FARP1: variants seen among roughly 807,000 people sequenced by gnomAD.
FARP1 encodes FERM, ARH/RhoGEF and pleckstrin domain protein 1.
FARP1 carries 52 observed loss-of-function variants against 128.8 expected under a neutral mutation model. The observed-to-expected ratio is 0.40, with a 90% confidence interval of 0.32 to 0.51. The LOEUF is 0.51. Among genes scored for constraint, FARP1 ranks in the 20% least tolerant of loss-of-function variants. The probability of loss-of-function intolerance (pLI) is 0.45; values close to 1 mark genes in which losing one functional copy is unlikely to be tolerated. For missense variants in FARP1, 1,333 were observed against 1,367.9 expected (o/e 0.97, Z 0.40); for synonymous variants, 580 against 551.8 (o/e 1.05, Z -0.72).
At chr13:98,332,773 C>T (rs933228288) in intron 2 of FARP1, 8 of 152,104 alleles carry the variant, frequency 5.3e-5, no homozygotes, top group Non-Finnish European at 7.4e-5. Flanking sequence ...ACGTTAAGAT[C>T]GGTTCTTGGG....
chr13:98,173,854 C>T (rs1249952148), intron 1 of FARP1, among the ~76,000 whole-genome samples: 2 of 152,188 alleles, frequency 1.3e-5, no homozygotes, highest in African/African-American at 2.4e-5. Context: ...CTTCACTTCC[C>T]CAGCAGGGTG....
At chr13:98,312,460 G>T (rs1323067102) in intron 2 of FARP1, among the ~76,000 whole-genome samples, 1 of 152,114 alleles carries the variant, frequency 6.6e-6, no homozygotes, top group Non-Finnish European at 1.5e-5. Context: ...TTTTTAAGGT[G>T]GTCATAGCTC....
intron 1 of FARP1, among the ~76,000 whole-genome samples, chr13:98,144,751 C>T (rs975535332): frequency 6.6e-6 from 1 of 152,180 alleles, no homozygotes; most frequent in African/African-American, 2.4e-5. Context: ...CTTTCTGGTC[C>T]TGAAAGCTTT....
At chr13:98,179,166 C>G (rs572819338) in intron 1 of FARP1, among the ~76,000 whole-genome samples, 12 of 152,280 alleles carry the variant, frequency 7.9e-5, no homozygotes, top group African/African-American at 2.4e-4. Flanking sequence ...AGGGAGGTCT[C>G]ACAATCCATG....
chr13:98,265,258 G>T lies in FARP1; in HGVS notation c.171+51845G>T, dbSNP rs150628235. 9.0e-3 allele frequency among the ~76,000 whole-genome samples: 1,359 copies of T among 150,822 alleles called. 21 individuals are homozygous for T. The highest frequency in any genetic ancestry group is 0.031 in the African/African-American group (1,259 of 40,864). On this transcript the variant is annotated intron_variant, in intron 2 of 26. Transcript: ENST00000319562. ...CAGATTGTGATATTTTTGTGTTAGC[G>T]ATGCTGGTTAGTGCATGACATACAC...
chr13:98,190,323 A>C (rs911567263), intron 1 of FARP1, among the ~76,000 whole-genome samples: 7 of 152,182 alleles, frequency 4.6e-5, no homozygotes, highest in African/African-American at 1.7e-4. Flanking sequence ...TAAATGGTAA[A>C]ACTCTGAGAA....
rs185993406 is a variant in FARP1, at chr13:98,170,616, A to C, written c.-24+27124A>C. 2.7e-4 allele frequency among the ~76,000 whole-genome samples: 41 copies of C among 152,102 alleles called. No homozygotes were observed. In the East Asian group the frequency reaches 7.6e-3, roughly 28 times the overall value. The stretch of plus-strand genomic sequence containing the variant: ...TGTGATCTGCCCACCTCAGCCTCCC[A>C]AAATGCTGGGATTACAGGTGTGAGC... On this transcript the variant is annotated intron_variant, in intron 1 of 26. Coordinates refer to ENST00000319562, the MANE Select transcript of FARP1 (RefSeq NM_005766.4).
chr13:98,406,303 T>C (rs928717177), intron 13 of FARP1: 1 of 152,242 alleles, frequency 6.6e-6, no homozygotes, highest in African/African-American at 2.4e-5. Flanking sequence ...AAGCCTCGGA[T>C]TGTTTATCTT....
chr13:98,308,003 T>G (rs1454915153), intron 2 of FARP1, among the ~76,000 whole-genome samples: 3 of 47,890 alleles, frequency 6.3e-5, no homozygotes, highest in Non-Finnish European at 1.5e-4. Flanking sequence ...CTGGACTGCC[T>G]GCCCCCCTCC....
At chr13:98,360,730 C>G (rs982939093) in intron 3 of FARP1, among the ~76,000 whole-genome samples, 2 of 152,166 alleles carry the variant, frequency 1.3e-5, no homozygotes, top group African/African-American at 4.8e-5. Context: ...GCAGGTGCAT[C>G]TTTGAATCCT....
chr13:98,388,580 G>C (rs938480711), intron 9 of FARP1, 102 bp downstream of exon 9: 1 of 853,828 alleles, frequency 1.2e-6, no homozygotes, highest in African/African-American at 1.7e-5. Context: ...TGAACCTCTG[G>C]CCAGTGCTAC....
chr13:98,413,710 G>C (rs1384687628), intron 16 of FARP1, among the ~76,000 whole-genome samples: 8 of 152,182 alleles, frequency 5.3e-5, no homozygotes, highest in Admixed American at 2.6e-4. Flanking sequence ...TCCCCAGGTT[G>C]ACCTAGAACC....
chr13:98,376,765 T>G (rs1282302354), intron 5 of FARP1, among the ~76,000 whole-genome samples: 23 of 150,178 alleles, frequency 1.5e-4, no homozygotes, highest in African/African-American at 4.9e-4. Context: ...TTGTGTTTTT[T>G]TTTTTTTTTT....
At chr13:98,446,027 G>C in intron 24 of FARP1, 71 bp from the exon 25 acceptor site, 1 of 1,035,800 alleles carries the variant, frequency 9.7e-7, no homozygotes, top group South Asian at 1.4e-5. Context: ...CCTGGTGCAG[G>C]GAGAGCTGCT....
intron 1 of FARP1, among the ~76,000 whole-genome samples, chr13:98,182,348 C>T (rs1217841213): frequency 2.0e-5 from 3 of 152,098 alleles, no homozygotes; most frequent in Admixed American, 1.3e-4. Flanking sequence ...TTTTTTGAGA[C>T]AGGATCTTGC....
At chr13:98,211,240 C>T (rs1880685824) in intron 1 of FARP1, among the ~76,000 whole-genome samples, 1 of 152,206 alleles carries the variant, frequency 6.6e-6, no homozygotes, top group South Asian at 2.1e-4. Flanking sequence ...AACTGGGCCG[C>T]ACAGCAGGAG....
chr13:98,326,623 A>C, intron 2 of FARP1, among the ~76,000 whole-genome samples: 1 of 152,186 alleles, frequency 6.6e-6, no homozygotes, highest in East Asian at 1.9e-4. Context: ...ACAATATGTA[A>C]TTTTCACAGT....
intron 2 of FARP1, among the ~76,000 whole-genome samples, chr13:98,302,305 C>A (rs1278020255): frequency 6.6e-6 from 1 of 152,210 alleles, no homozygotes; most frequent in Admixed American, 6.5e-5. Flanking sequence ...TGTAATCTTA[C>A]CCATATCAAA....
At chr13:98,380,613 A>G (rs972011756) in intron 6 of FARP1, among the ~76,000 whole-genome samples, 1 of 152,122 alleles carries the variant, frequency 6.6e-6, no homozygotes, top group African/African-American at 2.4e-5. Flanking sequence ...AGTCTCTGTC[A>G]CCCAGATTGG....
Sources: allele counts gnomAD v4.1 joint callset (sites outside exome capture counted in the v4.1 genomes callset), GRCh38; gene constraint gnomAD v4.1.1; transcripts MANE v1.5; gene names NCBI Gene and HGNC (gene_info 2026-07-23, HGNC 2026-07-21).